ADA2: variants seen among roughly 807,000 people sequenced by gnomAD.
ADA2 encodes the protein adenosine deaminase CECR1.
Under a neutral mutation model 44.2 loss-of-function variants are expected in ADA2, and 29 were observed. The ratio of observed to expected loss-of-function variants is 0.66; its 90% CI spans 0.49 to 0.89. The LOEUF is 0.89. ADA2 is among the 40% of genes least tolerant of loss of function. ADA2 has a pLI of 0.00. For missense variants in ADA2, 637 were observed against 644.8 expected (o/e 0.99, Z 0.13); for synonymous variants, 215 against 234.9 (o/e 0.92, Z 0.77).
At chr22:17,208,962 C>T (rs576717112) in intron 2 of ADA2, among the ~76,000 whole-genome samples, 6 of 152,016 alleles carry the variant, frequency 3.9e-5, no homozygotes, top group African/African-American at 1.2e-4. Context: ...CAGAGTAGCT[C>T]GGATTACAGG....
chr22:17,215,466 C>A (rs540156644), intron 1 of ADA2, among the ~76,000 whole-genome samples: 2 of 151,492 alleles, frequency 1.3e-5, no homozygotes, highest in South Asian at 2.1e-4. Flanking sequence ...ATTAGCTGAG[C>A]GTGGTGGCGG....
chr22:17,189,647 CTG>C, intron 6 of ADA2: 1 of 356,496 alleles, frequency 2.8e-6, no homozygotes, highest in Non-Finnish European at 5.3e-6. Flanking sequence ...GAGCCCATAA[CTG>C]TGGTCCAAAC....
chr22:17,196,374 A>G (rs2062191492), intron 4 of ADA2, among the ~76,000 whole-genome samples: 1 of 151,878 alleles, frequency 6.6e-6, no homozygotes, highest in African/African-American at 2.4e-5. Context: ...CTAATACAGG[A>G]TATATCAATA....
Position 17,199,870 on chromosome 22 carries a change from A to G in ADA2, c.753+3693T>C, listed in dbSNP as rs1400330933. 4.0e-6 allele frequency: 3 copies of G among 744,562 alleles called. No individual in the cohort carries two copies. In the Admixed American group the frequency reaches 1.0e-4, roughly 26 times the overall value. The allele number at this position is 744,562 out of a possible 1,614,324, so 46.1% of individuals were successfully genotyped here. A position where few individuals can be genotyped will look rare whatever the true frequency, so the allele number is the denominator to read the frequency against. On this transcript the variant is annotated intron_variant, in intron 4 of 9. Transcript: ENST00000399837. ...GACGTGGGTGTATTTGCCTGAGCTC[A>G]GGAGTTCCAGACCAGCCTGGGCAAT...
Position 17,210,039 on chromosome 22 carries a change from C to T in ADA2, c.-46-316G>A, listed in dbSNP as rs548802523. 12 of 216,246 alleles carry T rather than the reference C, an allele frequency of 5.5e-5. No individual in the cohort carries two copies. The East Asian group carries it at 9.9e-4, about 18-fold the overall frequency. The allele number at this position is 216,246 out of a possible 1,614,324, so 13.4% of individuals were successfully genotyped here. On this transcript the variant is annotated intron_variant, in intron 1 of 9. Transcript: ENST00000399837. ...CCGAGTAGCTGGGACTACAGGTGCC[C>T]GCCACCATGCCCGGCTAATTTTTTG...
At chr22:17,214,552 G>A (rs1373888436) in intron 1 of ADA2, among the ~76,000 whole-genome samples, 1 of 152,222 alleles carries the variant, frequency 6.6e-6, no homozygotes, top group African/African-American at 2.4e-5. Flanking sequence ...GCTAATGCCA[G>A]GGTGGCCTGT....
At chr22:17,207,035 A>G in intron 3 of ADA2, 36 bp downstream of exon 3, 1 of 1,524,180 alleles carries the variant, frequency 6.6e-7, no homozygotes, top group Admixed American at 1.7e-5. Context: ...ACCCCATGAC[A>G]GGCCTGGGAC....
At chr22:17,212,531 C>T (rs1359643646) in intron 1 of ADA2, among the ~76,000 whole-genome samples, 1 of 151,956 alleles carries the variant, frequency 6.6e-6, no homozygotes, top group East Asian at 1.9e-4. Flanking sequence ...GCCTTGGCCT[C>T]CCAAAGTGCT....
At chr22:17,199,362 T>C (rs1277842826) in intron 4 of ADA2, among the ~76,000 whole-genome samples, 1 of 133,570 alleles carries the variant, frequency 7.5e-6, no homozygotes, top group African/African-American at 2.9e-5. Flanking sequence ...GCTCAGCAAC[T>C]TCTCCCACAT....
intron 4 of ADA2, among the ~76,000 whole-genome samples, chr22:17,202,935 C>T (rs889205641): frequency 1.3e-5 from 2 of 151,664 alleles, no homozygotes; most frequent in African/African-American, 2.4e-5. Context: ...GGCTCATGCC[C>T]GGCTAATTTT....
intron 4 of ADA2, among the ~76,000 whole-genome samples, chr22:17,197,970 G>A (rs1207250748): frequency 1.3e-5 from 2 of 151,880 alleles, no homozygotes; most frequent in African/African-American, 4.8e-5. Flanking sequence ...CCCGGGAGGC[G>A]GAGGTTGCGG....
intron 4 of ADA2, chr22:17,199,446 T>TCCCTCCCCACCTCTATCCTCTTCCCCA: frequency 1.2e-5 from 11 of 917,602 alleles, no homozygotes; most frequent in Admixed American, 3.6e-5. Flanking sequence ...CCTCTTCCCC[T>TCCCTCCCCACCTCTATCCTCTTCCCCA]CCACCCACGA....
At chr22:17,192,893 C>T (rs1482895319) in intron 4 of ADA2, 2 of 520,144 alleles carry the variant, frequency 3.8e-6, no homozygotes, top group South Asian at 1.6e-5. Context: ...CAGCCATCTC[C>T]TCTTTGGCAT....
chr22:17,207,995 C>A (rs944407944), intron 2 of ADA2, among the ~76,000 whole-genome samples: 2 of 152,140 alleles, frequency 1.3e-5, no homozygotes, highest in African/African-American at 4.8e-5. Context: ...TGTCCCTCTG[C>A]GCTTCTTGTG....
At chr22:17,199,765 A>C (rs2062250860) in intron 4 of ADA2, 2 of 1,446,860 alleles carry the variant, frequency 1.4e-6, no homozygotes, top group Non-Finnish European at 1.8e-6. Flanking sequence ...TGACCTTTCC[A>C]GGCTTTAGTT....
chr22:17,204,480 G>A (rs1421481500), intron 3 of ADA2, among the ~76,000 whole-genome samples: 1 of 152,132 alleles, frequency 6.6e-6, no homozygotes. Flanking sequence ...GCCAGGCGTG[G>A]TGGTTTGTCC....
At chr22:17,193,610 G>A (rs1371206253) in intron 4 of ADA2, among the ~76,000 whole-genome samples, 1 of 150,198 alleles carries the variant, frequency 6.7e-6, no homozygotes, top group Admixed American at 6.7e-5. Flanking sequence ...AGAGGTTGCT[G>A]TGAGCCAAGA....
In ADA2 at chr22:17,185,541, G is replaced by A. The variant is rs1479280731; in HGVS notation, c.1082-2780C>T. 3.3e-5 allele frequency among the ~76,000 whole-genome samples: 5 copies of A among 152,274 alleles called. 1 individual carries two copies. The South Asian group carries it at 1.0e-3, about 32-fold the overall frequency. ...GACCATACATCTTGGAACCTGTTAG[G>A]TCCTGAGCTGCAATGTTTTGTAGGG... On this transcript the variant is annotated intron_variant, in intron 7 of 9. Transcript: ENST00000399837.
In ADA2 at chr22:17,181,889, A is replaced by G. The variant is rs748893301; in HGVS notation, c.1373T>C (p.Val458Ala). The G allele has an allele frequency of 8.7e-6, 14 of 1,613,934 alleles. No individual in the cohort carries two copies. The highest frequency in any genetic ancestry group is 1.1e-5 in the Non-Finnish European group (13 of 1,179,992). The part of the protein sequence containing the change: ...AKGLSYDFYE[V>A]FMGIGGMKAD... ...CTTCATCCCCCCAATGCCCATGAAGACCTCATAGAAATCATAGGACAAGCC... is the reference window on the plus strand; with the variant it reads ...CTTCATCCCCCCAATGCCCATGAAGGCCTCATAGAAATCATAGGACAAGCC... Residue 458 changes from valine to alanine, a missense_variant, in exon 9 of 10, where the codon GTC (valine) becomes GCC (alanine). Val to Ala is a moderately conservative substitution (Grantham distance 64). Coordinates refer to ENST00000399837, the MANE Select transcript of ADA2 (RefSeq NM_001282225.2).
Sources: gnomAD v4.1 joint callset for allele counts (sites outside exome capture counted in the v4.1 genomes callset) on GRCh38, gnomAD v4.1.1 for gene constraint, MANE v1.5 for transcripts, NCBI Gene and HGNC (gene_info 2026-07-23, HGNC 2026-07-21) for gene names.